DTD2: variants seen among roughly 807,000 people sequenced by gnomAD.
DTD2 encodes D-aminoacyl-tRNA deacylase 2.
A neutral mutation model predicts 15.5 loss-of-function variants in DTD2; 12 were observed. The ratio of observed to expected loss-of-function variants is 0.77; its 90% CI spans 0.50 to 1.25. DTD2 has a LOEUF of 1.25. Among genes scored for constraint, DTD2 ranks in the 50% most tolerant of loss-of-function variants. The pLI, the probability that DTD2 is intolerant of heterozygous loss-of-function variation, is 0.00. For synonymous variants in DTD2, 59 were observed against 77.3 expected, an observed-to-expected ratio of 0.76 and a Z score of 1.24; for missense variants, 170 against 201.1, an observed-to-expected ratio of 0.85 and a Z score of 0.93.
In DTD2 at chr14:31,448,075, A is replaced by G; in HGVS notation, c.*54T>C. 2 of 1,388,032 alleles carry G rather than the reference A, an allele frequency of 1.4e-6. No homozygotes were observed. The highest frequency in any genetic ancestry group is 2.2e-5 in the Admixed American group (1 of 44,718). The allele number at this position is 1,388,032 out of a possible 1,614,324, so 86.0% of individuals were successfully genotyped here. Reference sequence around the variant, plus strand: ...AGATTAAGGGGAAGAAAATCTAATTATACTTTAGATCATTTCATACCAGAA... The same window carrying G: ...AGATTAAGGGGAAGAAAATCTAATTGTACTTTAGATCATTTCATACCAGAA... On this transcript the variant is annotated 3_prime_UTR_variant, in exon 3 of 3. Transcript: ENST00000310850.
Position 31,453,279 on chromosome 14 carries a change from T to C in DTD2, c.177A>G (p.Lys59=), listed in dbSNP as rs367764099. The change falls in exon 2 of 3, where the codon AAA becomes AAG. Residue 59 remains lysine, a synonymous_variant. Coordinates refer to ENST00000310850, the MANE Select transcript of DTD2 (RefSeq NM_080664.3). ...FKGADKELLP[K]MVNTLLNVKL... ...GAAACAAAGTCAAACACATACCCAT[T>C]TTGGGAAGAAGTTCTTTATCAGCTC... 95 of 1,613,742 alleles carry C rather than the reference T, an allele frequency of 5.9e-5. 2 individuals are homozygous for C. The East Asian group carries it at 6.5e-4, about 11-fold the overall frequency.
At chr14:31,449,139 C>T (rs527803901) in intron 2 of DTD2, among the ~76,000 whole-genome samples, 7 of 152,322 alleles carry the variant, frequency 4.6e-5, no homozygotes, top group Non-Finnish European at 1.0e-4. Context: ...GTGATCCACT[C>T]GCCTTGGCCT....
chr14:31,453,047 C>A (rs1489793885), intron 2 of DTD2, among the ~76,000 whole-genome samples: 1 of 151,594 alleles, frequency 6.6e-6, no homozygotes, highest in Non-Finnish European at 1.5e-5. Context: ...AAGTAATCTT[C>A]CAGCCTCAGC....
At chr14:31,448,951 T>A (rs2139359816) in intron 2 of DTD2, among the ~76,000 whole-genome samples, 1 of 152,330 alleles carries the variant, frequency 6.6e-6, no homozygotes, top group Admixed American at 6.5e-5. Context: ...TGGAGTGCAA[T>A]GGCGTGATCT....
chr14:31,453,345 C>G lies in DTD2; in HGVS notation c.112-1G>C, dbSNP rs1454535048. Reference sequence around the variant, plus strand: ...CGTAGATCACCAGTCCTCTTTGGACCTATGAGAAATCACCACAGTAAACTC... The same window carrying G: ...CGTAGATCACCAGTCCTCTTTGGACGTATGAGAAATCACCACAGTAAACTC... On this transcript the variant is annotated splice_acceptor_variant, in intron 1 of 2. Coordinates refer to ENST00000310850, the MANE Select transcript of DTD2 (RefSeq NM_080664.3). LOFTEE classifies it high-confidence loss of function. 6 of 1,613,816 alleles carry G rather than the reference C, an allele frequency of 3.7e-6. No individual in the cohort carries two copies. Among genetic ancestry groups the G allele is most frequent in the Non-Finnish European group, 5.1e-6 (6 of 1,179,866 alleles).
intron 2 of DTD2, among the ~76,000 whole-genome samples, chr14:31,450,595 C>T (rs2032020610): frequency 6.6e-6 from 1 of 152,130 alleles, no homozygotes; most frequent in Non-Finnish European, 1.5e-5. Context: ...CATTGACTTA[C>T]TTAGCCTGCT....
Position 31,448,292 on chromosome 14 carries a change from CCTT to C in DTD2, c.341_343del (p.Glu114del), listed in dbSNP as rs959233807. Reference sequence around the variant, plus strand: ...CACAAATTGAGAGTAAAGTTCAAACCCTTCTTCTTTTCCAGAGTTAGAGTGATA... The same window carrying C: ...CACAAATTGAGAGTAAAGTTCAAACCCTTCTTTTCCAGAGTTAGAGTGATA... On this transcript the variant is annotated inframe_deletion, in exon 3 of 3. Coordinates refer to ENST00000310850, the MANE Select transcript of DTD2 (RefSeq NM_080664.3). The C allele has an allele frequency of 1.9e-6, 3 of 1,613,956 alleles. No homozygotes were observed. The highest frequency in any genetic ancestry group is 2.7e-5 in the African/African-American group (2 of 74,888).
chr14:31,453,063 A>G (rs1447758287), intron 2 of DTD2, among the ~76,000 whole-genome samples: 1 of 151,110 alleles, frequency 6.6e-6, no homozygotes, highest in Non-Finnish European at 1.5e-5. Context: ...TCAGCCTCCT[A>G]AGTAGCTAGG....
intron 2 of DTD2, among the ~76,000 whole-genome samples, chr14:31,449,566 T>A (rs1476034402): frequency 6.6e-6 from 1 of 152,182 alleles, no homozygotes. Context: ...ACCATAAATA[T>A]CCATATATAG....
chr14:31,448,456 T>G lies in DTD2; in HGVS notation c.182-2A>C. The G allele has an allele frequency of 6.3e-7, 1 of 1,582,574 alleles. No individual in the cohort carries two copies. Among genetic ancestry groups the G allele is most frequent in the East Asian group, 2.3e-5 (1 of 44,440 alleles). On this transcript the variant is annotated splice_acceptor_variant, in intron 2 of 2. Transcript: ENST00000310850. LOFTEE classifies it high-confidence loss of function. ...ATTTCACATTTAACAGTGTATTAAC[T>G]GGGTGAGGAAGAAAGGCAAAACATT...
rs766317740 is a variant in DTD2 at position 31,450,718 on chromosome 14, C to G, written c.182-2264G>C. ...AGTCATATATTTCTTTACTGAAAAT[C>G]ATGATATAAAAAATCATGTGTTAGA... On this transcript the variant is annotated intron_variant, in intron 2 of 2. Transcript: ENST00000310850. 2.0e-5 allele frequency among the ~76,000 whole-genome samples: 3 copies of G among 152,102 alleles called. No individual in the cohort carries two copies. In the South Asian group the frequency reaches 6.2e-4, roughly 32 times the overall value.
Position 31,447,997 on chromosome 14 carries a change from T to C in DTD2, c.*132A>G, listed in dbSNP as rs116980036. On this transcript the variant is annotated 3_prime_UTR_variant, in exon 3 of 3. Transcript: ENST00000310850. ...CATCCAATTAGCAGGTGCAGAGTTATATATGAAACCCAAGATTTTCCTGTC... is the reference window on the plus strand; with the variant it reads ...CATCCAATTAGCAGGTGCAGAGTTACATATGAAACCCAAGATTTTCCTGTC... The C allele has an allele frequency of 0.012, 9,177 of 755,038 alleles. 434 individuals carry two copies. In the Admixed American group the frequency reaches 0.13, roughly 10 times the overall value. The allele number at this position is 755,038 out of a possible 1,614,324, so 46.8% of individuals were successfully genotyped here.
rs2031972664 is a variant in DTD2 at position 31,447,419 on chromosome 14, G to T, written c.*710C>A. The stretch of plus-strand genomic sequence containing the variant: ...AGTTTACCTAATTTTAATACAAATA[G>T]TTATTTTTATTACATGCTACACAAA... On this transcript the variant is annotated 3_prime_UTR_variant, in exon 3 of 3. Transcript: ENST00000310850. 6.6e-6 allele frequency: 1 copy of T among 152,134 alleles called. No individual in the cohort carries two copies. Among genetic ancestry groups the T allele is most frequent in the Admixed American group, 6.5e-5 (1 of 15,268 alleles). 9.4% of individuals were successfully genotyped at this position (152,134 alleles called of 1,614,324 possible). A position where few individuals can be genotyped will look rare whatever the true frequency, so the allele number is the denominator to read the frequency against.
At chr14:31,453,015 G>GCT (rs1408320364) in intron 2 of DTD2, 1 of 283,752 alleles carries the variant, frequency 3.5e-6, no homozygotes, top group Non-Finnish European at 6.6e-6. Flanking sequence ...TCGGCTCACT[G>GCT]CAGCCTCGAC....
In DTD2 at chr14:31,446,713, G is replaced by A. The variant is rs2031963461; in HGVS notation, c.*1416C>T. The stretch of plus-strand genomic sequence containing the variant: ...TAAGGGCTTCAACATATAAATTTTG[G>A]GGACGGGAACATCTAGTCCAAAACA... On this transcript the variant is annotated 3_prime_UTR_variant, in exon 3 of 3. Transcript: ENST00000310850. The A allele has an allele frequency of 6.6e-6, 1 of 152,114 alleles. No individual in the cohort carries two copies. The highest frequency in any genetic ancestry group is 2.4e-5 in the African/African-American group (1 of 41,408). The allele number at this position is 152,114 out of a possible 1,614,324, so 9.4% of individuals were successfully genotyped here. A position where few individuals can be genotyped will look rare whatever the true frequency, so the allele number is the denominator to read the frequency against.
chr14:31,453,981 A>T (rs2032068416), intron 1 of DTD2, among the ~76,000 whole-genome samples: 1 of 152,208 alleles, frequency 6.6e-6, no homozygotes, highest in African/African-American at 2.4e-5. Flanking sequence ...ATATAGGCTT[A>T]TTTATTTTAC....
chr14:31,453,407 T>C, intron 1 of DTD2, 63 bp from the exon 2 acceptor site: 1 of 1,403,726 alleles, frequency 7.1e-7, no homozygotes, highest in Non-Finnish European at 1.0e-6. Flanking sequence ...CAGGGCTAAA[T>C]GGGTACAGTT....
chr14:31,457,379 G>C lies in DTD2; in HGVS notation c.15C>G (p.Ser5Arg), dbSNP rs1474696049. The change falls in exon 1 of 3, where the codon AGC becomes AGG. Residue 5 changes from serine (S) to arginine (R), a missense_variant. Transcript: ENST00000310850. MAEG[S>R]RIPQARALLQ... ...GGAGCGCCCGGGCCTGAGGAATCCG[G>C]CTACCCTCAGCCATGGCTTAAGCCA... 1.9e-6 allele frequency: 3 copies of C among 1,550,186 alleles called. No individual in the cohort carries two copies.
intron 2 of DTD2, among the ~76,000 whole-genome samples, chr14:31,451,066 A>G (rs990065914): frequency 1.3e-5 from 2 of 152,168 alleles, no homozygotes; most frequent in African/African-American, 2.4e-5. Context: ...TTAATTTAGG[A>G]AAGTGGACAG....
Sources: gnomAD v4.1 joint callset for allele counts (sites outside exome capture counted in the v4.1 genomes callset) on GRCh38, gnomAD v4.1.1 for gene constraint, MANE v1.5 for transcripts, NCBI Gene and HGNC (gene_info 2026-07-23, HGNC 2026-07-21) for gene names.